Variants in ABRACL observed in about 807,000 individuals in gnomAD.
The protein encoded by ABRACL is ABRA C-terminal like.
A neutral mutation model predicts 7.0 loss-of-function variants in ABRACL; 4 were observed. The ratio of observed to expected loss-of-function variants is 0.57; its 90% CI spans 0.28 to 1.30. The LOEUF (loss-of-function observed/expected upper bound fraction) is 1.30, where lower values mean the gene tolerates loss of function less well. Among genes scored for constraint, ABRACL ranks in the 50% most tolerant of loss-of-function variants. The pLI is 0.10. For missense variants in ABRACL, 104 were observed against 97.3 expected (o/e 1.07, Z -0.29); for synonymous variants, 30 against 36.0 (o/e 0.83, Z 0.60).
chr6:139,030,930 G>A (rs1257235250), intron 1 of ABRACL, among the ~76,000 whole-genome samples: 1 of 152,194 alleles, frequency 6.6e-6, no homozygotes, highest in Non-Finnish European at 1.5e-5. Flanking sequence ...AACGCTGGTT[G>A]CCTTTCATGC....
intron 2 of ABRACL, among the ~76,000 whole-genome samples, chr6:139,037,423 G>A (rs958859020): frequency 1.3e-5 from 2 of 152,024 alleles, no homozygotes; most frequent in African/African-American, 4.8e-5. Flanking sequence ...ACCACGCCTG[G>A]TTAAGTTTTG....
chr6:139,031,373 A>G (rs945387760), intron 1 of ABRACL, among the ~76,000 whole-genome samples: 2 of 152,168 alleles, frequency 1.3e-5, no homozygotes, highest in Non-Finnish European at 1.5e-5. Context: ...GAACACAAAG[A>G]CTATTCATAT....
chr6:139,034,542 A>AT, intron 2 of ABRACL: 1 of 933,574 alleles, frequency 1.1e-6, no homozygotes, highest in Non-Finnish European at 1.5e-6. Context: ...TTTACTTGTC[A>AT]TACTATTAAA....
chr6:139,034,007 C>T, intron 1 of ABRACL, 148 bp from the exon 2 acceptor site: 1 of 1,056,706 alleles, frequency 9.5e-7, no homozygotes, highest in East Asian at 2.6e-5. Flanking sequence ...TTCAGTGCCA[C>T]ATGCATCACA....
chr6:139,031,895 T>C (rs1786086244), intron 1 of ABRACL, among the ~76,000 whole-genome samples: 1 of 151,686 alleles, frequency 6.6e-6, no homozygotes, highest in Admixed American at 6.6e-5. Flanking sequence ...GGTGCCAGAA[T>C]GGGAAATGGG....
At chr6:139,037,782 T>C (rs970789859) in intron 2 of ABRACL, among the ~76,000 whole-genome samples, 7 of 151,208 alleles carry the variant, frequency 4.6e-5, no homozygotes, top group African/African-American at 1.7e-4. Context: ...TTTCTCTTTT[T>C]TTTTTTTTTT....
chr6:139,030,158 TTTTC>T (rs1025753354), intron 1 of ABRACL, among the ~76,000 whole-genome samples: 1 of 148,620 alleles, frequency 6.7e-6, no homozygotes, highest in African/African-American at 2.6e-5. Context: ...CTCATTGTTC[TTTTC>T]TTTTTTTTTT....
intron 2 of ABRACL, among the ~76,000 whole-genome samples, chr6:139,037,974 G>T (rs1472772981): frequency 6.6e-6 from 1 of 151,674 alleles, no homozygotes; most frequent in South Asian, 2.1e-4. Context: ...ACAGTTTTTC[G>T]CCATGTTGGC....
intron 1 of ABRACL, among the ~76,000 whole-genome samples, chr6:139,030,847 A>G (rs894072460): frequency 2.0e-5 from 3 of 152,228 alleles, no homozygotes; most frequent in Non-Finnish European, 4.4e-5. Context: ...AGGTAAATAA[A>G]TGCCTTGCAA....
At chr6:139,040,488 T>A (rs1786227946) in intron 2 of ABRACL, among the ~76,000 whole-genome samples, 1 of 152,224 alleles carries the variant, frequency 6.6e-6, no homozygotes, top group Non-Finnish European at 1.5e-5. Context: ...GGGGACTCTA[T>A]AAGAGGCTTT....
intron 2 of ABRACL, among the ~76,000 whole-genome samples, chr6:139,034,999 A>G (rs1786132613): frequency 6.6e-6 from 1 of 152,232 alleles, no homozygotes; most frequent in Non-Finnish European, 1.5e-5. Context: ...AACTAGGATA[A>G]TAGAACTCGA....
At chr6:139,031,581 A>G (rs1024209382) in intron 1 of ABRACL, among the ~76,000 whole-genome samples, 2 of 152,186 alleles carry the variant, frequency 1.3e-5, no homozygotes, top group African/African-American at 2.4e-5. Context: ...TCATTGTTAT[A>G]TGGCTGGACA....
chr6:139,034,077 G>A, intron 1 of ABRACL, 78 bp from the exon 2 acceptor site: 3 of 1,583,908 alleles, frequency 1.9e-6, no homozygotes, highest in African/African-American at 1.3e-5. Context: ...ACCTGAACAA[G>A]ACAAAGGGCT....
chr6:139,035,047 T>A (rs186048846), intron 2 of ABRACL, among the ~76,000 whole-genome samples: 1 of 152,338 alleles, frequency 6.6e-6, no homozygotes, highest in Admixed American at 6.5e-5. Context: ...AAAACAGTTC[T>A]AGAAAGTACC....
Position 139,042,745 on chromosome 6 carries a change from T to A in ABRACL, c.88T>A (p.Phe30Ile). Reference sequence around the variant, plus strand: ...TGCTGATGGAAAGTTAAGCGTGAAATTTGGGGTCCTCTTCCGTGATGATAA... The same window carrying A: ...TGCTGATGGAAAGTTAAGCGTGAAAATTGGGGTCCTCTTCCGTGATGATAA... ...KNADGKLSVK[F>I]GVLFRDDKCA... The change falls in exon 3 of 3, where the codon TTT (phenylalanine) becomes ATT (isoleucine). Residue 30 changes from phenylalanine to isoleucine, a missense_variant. Phe to Ile is a conservative substitution (Grantham distance 21). Coordinates refer to ENST00000367660, the MANE Select transcript of ABRACL (RefSeq NM_021243.3). The A allele has an allele frequency of 6.2e-7, 1 of 1,611,696 alleles. No homozygotes were observed. The highest frequency in any genetic ancestry group is 8.5e-7 in the Non-Finnish European group (1 of 1,179,118).
At chr6:139,030,061 G>T (rs553321245) in intron 1 of ABRACL, among the ~76,000 whole-genome samples, 59 of 152,046 alleles carry the variant, frequency 3.9e-4, no homozygotes, top group African/African-American at 1.4e-3. Flanking sequence ...CATCTACCTC[G>T]CCTTCCCTGG....
chr6:139,034,523 G>A (rs896844931), intron 2 of ABRACL: 46 of 1,119,794 alleles, frequency 4.1e-5, no homozygotes, highest in Non-Finnish European at 3.7e-6. Context: ...ATTGAATCAT[G>A]TTCAAATTTT....
chr6:139,031,146 G>A lies in ABRACL; in HGVS notation c.-7+2271G>A, dbSNP rs147845994. Among the ~76,000 whole-genome samples the A allele has an allele frequency of 6.0e-4, 92 of 152,304 alleles. No homozygotes were observed. The East Asian group carries it at 0.015, about 25-fold the overall frequency. On this transcript the variant is annotated intron_variant, in intron 1 of 2. Transcript: ENST00000367660. The stretch of plus-strand genomic sequence containing the variant: ...AATCAGAGAATCAGAGAATTGGAAA[G>A]TTCCTTAATTTCTTTGGACATTTTC...
intron 2 of ABRACL, among the ~76,000 whole-genome samples, chr6:139,041,826 G>A (rs1422433539): frequency 6.6e-6 from 1 of 152,062 alleles, no homozygotes; most frequent in East Asian, 1.9e-4. Flanking sequence ...ACCTCCTTAT[G>A]TCTGCCCCTA....
Sources: allele counts gnomAD v4.1 joint callset (sites outside exome capture counted in the v4.1 genomes callset), GRCh38; gene constraint gnomAD v4.1.1; transcripts MANE v1.5; gene names NCBI Gene and HGNC (gene_info 2026-07-23, HGNC 2026-07-21).